Variants in PRKCE observed in about 807,000 individuals in gnomAD.
PRKCE encodes the protein protein kinase C epsilon type.
In PRKCE, 16 loss-of-function variants were observed where a neutral mutation model predicts 85.4. The ratio of observed to expected loss-of-function variants is 0.19; its 90% CI spans 0.13 to 0.28. The LOEUF (loss-of-function observed/expected upper bound fraction) is 0.28. PRKCE is among the 10% of genes least tolerant of loss of function. The pLI, the probability that PRKCE is intolerant of heterozygous loss-of-function variation, is 1.00. For missense variants in PRKCE, 573 were observed against 975.2 expected (o/e 0.59, Z 5.49); for synonymous variants, 388 against 371.5 (o/e 1.04, Z -0.51).
intron 3 of PRKCE, among the ~76,000 whole-genome samples, chr2:45,977,591 C>T (rs536663955): frequency 4.8e-4 from 73 of 150,956 alleles, no homozygotes; most frequent in Non-Finnish European, 8.3e-4. Context: ...GAGCCGAGAT[C>T]GCTATACTAT....
At chr2:46,031,591 C>CGTGTGTGTGTGTGTGTGT (rs58684318) in intron 10 of PRKCE, among the ~76,000 whole-genome samples, 15 of 144,028 alleles carry the variant, frequency 1.0e-4, no homozygotes, top group Non-Finnish European at 1.8e-4. Context: ...ACATTCTGCT[C>CGTGTGTGTGTGTGTGTGT]GTGTGTGTGT....
intron 1 of PRKCE, among the ~76,000 whole-genome samples, chr2:45,801,487 C>G (rs1337542192): frequency 7.1e-6 from 1 of 140,360 alleles, no homozygotes; most frequent in Non-Finnish European, 1.5e-5. Context: ...CCACAGGACT[C>G]AGTCATCAGT....
At chr2:46,070,647 A>AAAAAAC (rs1553337823) in intron 10 of PRKCE, among the ~76,000 whole-genome samples, 107 of 151,720 alleles carry the variant, frequency 7.1e-4, no homozygotes, top group Admixed American at 7.0e-3. Context: ...CGTCTCAAAA[A>AAAAAAC]AAAAACAAAA....
At chr2:46,000,332 G>C (rs1357247566) in intron 6 of PRKCE, among the ~76,000 whole-genome samples, 1 of 151,818 alleles carries the variant, frequency 6.6e-6, no homozygotes, top group African/African-American at 2.4e-5. Context: ...TTTGAGCTGT[G>C]AACCTCACAA....
At chr2:45,838,003 C>A (rs912335310) in intron 1 of PRKCE, among the ~76,000 whole-genome samples, 12 of 152,200 alleles carry the variant, frequency 7.9e-5, no homozygotes, top group African/African-American at 2.9e-4. Flanking sequence ...TTTGGCTTTT[C>A]TAAGATTGCC....
chr2:45,852,146 G>T (rs1692318094), intron 2 of PRKCE: 1 of 152,192 alleles, frequency 6.6e-6, no homozygotes, highest in African/African-American at 2.4e-5. Flanking sequence ...CATTAGCTCT[G>T]CCCTTCTACC....
intron 1 of PRKCE, among the ~76,000 whole-genome samples, chr2:45,819,411 A>G (rs555139615): frequency 7.6e-4 from 116 of 152,158 alleles, no homozygotes; most frequent in Non-Finnish European, 1.2e-3. Context: ...GTCAGGGAGA[A>G]CACCACGTTT....
intron 2 of PRKCE, among the ~76,000 whole-genome samples, chr2:45,904,856 G>C (rs1423455863): frequency 6.6e-6 from 1 of 152,172 alleles, no homozygotes; most frequent in Non-Finnish European, 1.5e-5. Flanking sequence ...CATGAGAGGG[G>C]GGCTGGGTGA....
At chr2:46,085,514 C>T (rs998123753) in intron 10 of PRKCE, among the ~76,000 whole-genome samples, 2 of 151,680 alleles carry the variant, frequency 1.3e-5, no homozygotes, top group Non-Finnish European at 2.9e-5. Flanking sequence ...AGGTTCCGCT[C>T]CTTGCCTCTT....
At chr2:45,929,305 C>G (rs1293060569) in intron 2 of PRKCE, among the ~76,000 whole-genome samples, 1 of 152,212 alleles carries the variant, frequency 6.6e-6, no homozygotes, top group Admixed American at 6.5e-5. Flanking sequence ...GTGCTTTAGT[C>G]TTAATCTGAG....
chr2:45,764,563 C>A (rs946233786), intron 1 of PRKCE, among the ~76,000 whole-genome samples: 7 of 152,164 alleles, frequency 4.6e-5, no homozygotes, highest in Non-Finnish European at 8.8e-5. Context: ...GGCCCCGAAA[C>A]CAGACAGGGC....
intron 2 of PRKCE, among the ~76,000 whole-genome samples, chr2:45,883,772 C>G (rs188583246): frequency 6.6e-6 from 1 of 152,190 alleles, no homozygotes; most frequent in Non-Finnish European, 1.5e-5. Context: ...GCTGGCATAT[C>G]CTTTCTGCAC....
At chr2:46,044,773 G>T (rs929628054) in intron 10 of PRKCE, among the ~76,000 whole-genome samples, 2 of 152,170 alleles carry the variant, frequency 1.3e-5, no homozygotes, top group African/African-American at 4.8e-5. Flanking sequence ...AGTGCACTGA[G>T]TTCCTCTTAG....
rs73926051 is a variant in PRKCE, at chr2:45,744,322, G to T, written c.348+91874G>T. Among the ~76,000 whole-genome samples the T allele has an allele frequency of 9.0e-3, 1,367 of 152,196 alleles. 20 individuals carry two copies. The highest frequency in any genetic ancestry group is 0.031 in the African/African-American group (1,300 of 41,524). ...TTTTCCAAAAAATTTCCTAGAGAAG[G>T]CAATGTTTTTCTCCGAATTCTGGCC... On this transcript the variant is annotated intron_variant, in intron 1 of 14. Transcript: ENST00000306156.
intron 14 of PRKCE, among the ~76,000 whole-genome samples, chr2:46,172,567 C>T (rs1382134223): frequency 6.6e-6 from 1 of 152,186 alleles, no homozygotes; most frequent in Non-Finnish European, 1.5e-5. Context: ...CCCAGAAATG[C>T]CTCCTTCACT....
At chr2:45,900,944 A>C (rs114014321) in intron 2 of PRKCE, among the ~76,000 whole-genome samples, 2 of 152,218 alleles carry the variant, frequency 1.3e-5, no homozygotes, top group Non-Finnish European at 2.9e-5. Context: ...CAAATGAGTA[A>C]GGCAATACAG....
intron 2 of PRKCE, among the ~76,000 whole-genome samples, chr2:45,942,698 G>A (rs1367654424): frequency 6.6e-6 from 1 of 152,138 alleles, no homozygotes; most frequent in East Asian, 1.9e-4. Flanking sequence ...TTTGTTTTAT[G>A]ATTCTGCGAT....
At chr2:46,151,280 TACACACACACACACACACACAC>T (rs35676949) in intron 13 of PRKCE, 51 bp downstream of exon 13, 7 of 559,060 alleles carry the variant, frequency 1.3e-5, no homozygotes, top group Non-Finnish European at 1.5e-5. Flanking sequence ...CTCCTCCCCC[TACACACACACACACACACACAC>T]ACACACACAC....
intron 2 of PRKCE, among the ~76,000 whole-genome samples, chr2:45,848,992 G>C (rs1692024777): frequency 6.6e-6 from 1 of 152,136 alleles, no homozygotes; most frequent in South Asian, 2.1e-4. Flanking sequence ...CATTATCAAA[G>C]ACAGCTTTGA....
Sources: gnomAD v4.1 joint callset for allele counts (sites outside exome capture counted in the v4.1 genomes callset) on GRCh38, gnomAD v4.1.1 for gene constraint, MANE v1.5 for transcripts, NCBI Gene and HGNC (gene_info 2026-07-23, HGNC 2026-07-21) for gene names.